Variants in CFAP46 observed in about 807,000 individuals in gnomAD.
The protein encoded by CFAP46 is cilia- and flagella-associated protein 46.
A neutral mutation model predicts 325.7 loss-of-function variants in CFAP46; 245 were observed. The observed-to-expected ratio is 0.75, with a 90% confidence interval of 0.68 to 0.84. CFAP46 has a LOEUF of 0.84. Ranked by LOEUF, CFAP46 falls within the 40% of genes least tolerant of loss-of-function variation. CFAP46 has a pLI of 0.00. For synonymous variants in CFAP46, 1,523 were observed against 1,495.9 expected, an observed-to-expected ratio of 1.02 and a Z score of -0.42; for missense variants, 3,346 against 3,543.0, an observed-to-expected ratio of 0.94 and a Z score of 1.41.
intron 50 of CFAP46, 124 bp downstream of exon 50, chr10:132,833,234 T>G (rs988292304): frequency 6.1e-6 from 6 of 981,358 alleles, no homozygotes; most frequent in Non-Finnish European, 9.0e-6. Flanking sequence ...AATAAATGCC[T>G]AGAAAAATGT....
intron 3 of CFAP46, among the ~76,000 whole-genome samples, chr10:132,941,304 C>T (rs1850097115): frequency 6.6e-6 from 1 of 152,210 alleles, no homozygotes. Flanking sequence ...CTCCAGCACG[C>T]CCGCCCCACC....
Position 132,860,821 on chromosome 10 carries a change from C to A in CFAP46, c.5052G>T (p.Glu1684Asp), listed in dbSNP as rs967550280. The A allele has an allele frequency of 1.3e-6, 2 of 1,551,036 alleles. No individual in the cohort carries two copies. The highest frequency in any genetic ancestry group is 2.7e-5 in the African/African-American group (2 of 73,070). Reference protein sequence around the residue: ...FWYNSTLTLAEALLSMEHSGR... With the variant: ...FWYNSTLTLADALLSMEHSGR... The stretch of plus-strand genomic sequence containing the variant: ...CTGAGTGTTCCATGGACAAGAGCGC[C>A]TCTGCCAGGGTCAGAGTGGAATTGT... The change falls in exon 36 of 58, where the codon GAG becomes GAT. Residue 1684 changes from glutamate to aspartate, a missense_variant. Coordinates refer to ENST00000368586, the MANE Select transcript of CFAP46 (RefSeq NM_001200049.3).
In CFAP46 at chr10:132,847,309, G is replaced by A. The variant is rs1029994400; in HGVS notation, c.5965C>T (p.Leu1989=). 5.6e-6 allele frequency: 9 copies of A among 1,613,564 alleles called. No homozygotes were observed. The highest frequency in any genetic ancestry group is 6.8e-6 in the Non-Finnish European group (8 of 1,179,930). Residue 1989 remains leucine, a synonymous_variant, in exon 42 of 58, where the codon CTG becomes TTG. Transcript: ENST00000368586. The surrounding 1 kb of genome is among the most constrained non-coding windows in gnomAD (Gnocchi z 5.2). The part of the protein sequence containing the change: ...WEAGPSVGAK[L]SGLKSLELEV... ...AGCTCCAGAGACTTGAGGCCGCTCA[G>A]CTTGGCGCCCACCTGTGACACACAT... is the stretch of plus-strand genomic sequence containing the variant.
intron 16 of CFAP46, among the ~76,000 whole-genome samples, chr10:132,916,932 C>T (rs1849648837): frequency 6.6e-6 from 1 of 152,188 alleles, no homozygotes; most frequent in South Asian, 2.1e-4. Context: ...TCCAGAGCAC[C>T]GCACACCCCA....
intron 25 of CFAP46, among the ~76,000 whole-genome samples, chr10:132,888,435 G>T (rs868497536): frequency 7.8e-5 from 3 of 38,288 alleles, no homozygotes; most frequent in Non-Finnish European, 9.5e-5. Context: ...CCTGCCGCCT[G>T]TACCCCTGCC....
chr10:132,822,265 G>GTGCGGTGATGTGTGCTGTGTGTGCGCTGA (rs1554964284), intron 50 of CFAP46, among the ~76,000 whole-genome samples: 1 of 64,594 alleles, frequency 1.5e-5, no homozygotes, highest in African/African-American at 4.2e-5. Context: ...TGTGTGCTGT[G>GTGCGGTGATGTGTGCTGTGTGTGCGCTGA]TGTGTGCTGT....
chr10:132,926,553 T>C lies in CFAP46; in HGVS notation c.1065+15A>G. On this transcript the variant is annotated intron_variant, in intron 10 of 57. Coordinates refer to ENST00000368586, the MANE Select transcript of CFAP46 (RefSeq NM_001200049.3). ...AAAATAATGCCAGGTGTATGACTCC[T>C]GCGTAAGGACTGACCTCAACAGCCG... 1 of 1,523,116 alleles carries C rather than the reference T, an allele frequency of 6.6e-7. No individual in the cohort carries two copies. Among genetic ancestry groups the C allele is most frequent in the Non-Finnish European group, 8.8e-7 (1 of 1,135,180 alleles). The allele number at this position is 1,523,116 out of a possible 1,614,324, so 94.4% of individuals were successfully genotyped here.
chr10:132,927,353 TCGGCGGCAGACGCC>T (rs1849826965), intron 9 of CFAP46, among the ~76,000 whole-genome samples: 1 of 150,228 alleles, frequency 6.7e-6, no homozygotes, highest in African/African-American at 2.5e-5. Flanking sequence ...GAGCAGGTCC[TCGGCGGCAGACGCC>T]TCCGTCCCGG....
chr10:132,935,621 C>T (rs1354352342), intron 7 of CFAP46, among the ~76,000 whole-genome samples: 4 of 144,990 alleles, frequency 2.8e-5, no homozygotes, highest in African/African-American at 1.1e-4. Flanking sequence ...CCCTCGGCAC[C>T]CAAACACACT....
intron 50 of CFAP46, among the ~76,000 whole-genome samples, chr10:132,816,753 T>C (rs1043326800): frequency 6.6e-6 from 1 of 152,242 alleles, no homozygotes; most frequent in Non-Finnish European, 1.5e-5. Flanking sequence ...TCGCTAGTTT[T>C]TGACATTTCC....
chr10:132,925,334 G>A (rs573903022), intron 10 of CFAP46, among the ~76,000 whole-genome samples: 77 of 152,368 alleles, frequency 5.1e-4, no homozygotes, highest in Non-Finnish European at 9.6e-4. Context: ...ACCGCCCACC[G>A]TCCTGGGCTC....
chr10:132,882,603 G>A (rs932455231), intron 27 of CFAP46, among the ~76,000 whole-genome samples: 1 of 151,948 alleles, frequency 6.6e-6, no homozygotes, highest in Admixed American at 6.5e-5. Context: ...TCTAGCGGGT[G>A]GGGGGTCTGG....
intron 35 of CFAP46, among the ~76,000 whole-genome samples, chr10:132,864,545 G>GTT (rs1848780589): frequency 5.2e-5 from 5 of 96,796 alleles, no homozygotes; most frequent in East Asian, 3.0e-4. Context: ...GCACACACCT[G>GTT]CCCTCAGTGC....
rs560265207 is a variant in CFAP46 at position 132,859,261 on chromosome 10, G to C, written c.5199-14C>G. 3.9e-6 allele frequency: 6 copies of C among 1,543,318 alleles called. No individual in the cohort carries two copies. In the South Asian group the frequency reaches 7.2e-5, roughly 18 times the overall value. ...AGGCTCAGGCACCTGACGGAGGGAC[G>C]GTTTGGGGCCTGGAGTCAGAAGCCC... On this transcript the variant is annotated splice_polypyrimidine_tract_variant and intron_variant, in intron 37 of 57. Coordinates refer to ENST00000368586, the MANE Select transcript of CFAP46 (RefSeq NM_001200049.3).
intron 6 of CFAP46, chr10:132,937,335 G>A (rs1850024098): frequency 1.7e-6 from 1 of 581,118 alleles, no homozygotes; most frequent in Non-Finnish European, 2.9e-6. Flanking sequence ...AAAGGCAAAA[G>A]ACCCTGTTTT....
At position 132,811,112 on chromosome 10, in the gene CFAP46, G is replaced by A. The variant is rs1847573492; in HGVS notation, c.7502-81C>T. ...TGGGGTGTGGGCAGGTGGGGCCTGT[G>A]CCCCAAGGGCGCAGCAGGGCATGGC... On this transcript the variant is annotated intron_variant, in intron 55 of 57. Coordinates refer to ENST00000368586, the MANE Select transcript of CFAP46 (RefSeq NM_001200049.3). 3 of 1,229,740 alleles carry A rather than the reference G, an allele frequency of 2.4e-6. No homozygotes were observed. In the East Asian group the frequency reaches 7.7e-5, roughly 31 times the overall value. 76.2% of individuals were successfully genotyped at this position (1,229,740 alleles called of 1,614,324 possible).
chr10:132,850,059 A>G (rs1848510383), intron 41 of CFAP46, among the ~76,000 whole-genome samples, 185 bp downstream of exon 41: 1 of 152,148 alleles, frequency 6.6e-6, no homozygotes, highest in South Asian at 2.1e-4. Context: ...TTTCCCTCCC[A>G]GGTCTGTTCC....
In CFAP46 at chr10:132,884,955, G is replaced by A. The variant is rs945175224; in HGVS notation, c.3627+148C>T. 13 of 825,376 alleles carry A rather than the reference G, an allele frequency of 1.6e-5. No homozygotes were observed. The highest frequency in any genetic ancestry group is 5.9e-5 in the Admixed American group (2 of 33,786). 51.1% of individuals were successfully genotyped at this position (825,376 alleles called of 1,614,324 possible). A position where few individuals can be genotyped will look rare whatever the true frequency, so the allele number is the denominator to read the frequency against. ...CTGGTCAGCAAGAGGAGTGCCCGGG[G>A]CCACGCGGTGCATTCTCTGTGCCCG... On this transcript the variant is annotated intron_variant, in intron 27 of 57. Coordinates refer to ENST00000368586, the MANE Select transcript of CFAP46 (RefSeq NM_001200049.3). This position sits in a 1 kb window ranked among gnomAD's most constrained non-coding sequence, Gnocchi z 5.4.
At chr10:132,881,106 T>C in intron 27 of CFAP46, 74 bp from the exon 28 acceptor site, 3 of 1,346,160 alleles carry the variant, frequency 2.2e-6, no homozygotes, top group Non-Finnish European at 3.1e-6. Flanking sequence ...GGAATACTTT[T>C]ATTGCTCATT....
Sources: allele counts gnomAD v4.1 joint callset (sites outside exome capture counted in the v4.1 genomes callset), GRCh38; gene constraint gnomAD v4.1.1; non-coding constraint Gnocchi (gnomAD v3.1); transcripts MANE v1.5; gene names NCBI Gene and HGNC (gene_info 2026-07-23, HGNC 2026-07-21).